Variants in SIPA1L1 observed in about 807,000 individuals in gnomAD.
SIPA1L1 encodes signal-induced proliferation-associated 1-like protein 1.
A neutral mutation model predicts 162.7 loss-of-function variants in SIPA1L1; 26 were observed. That is an observed-to-expected ratio of 0.16 (90% CI 0.12 to 0.22). SIPA1L1 has a LOEUF of 0.22. Among genes scored for constraint, SIPA1L1 ranks in the 10% least tolerant of loss-of-function variants. The probability of loss-of-function intolerance (pLI) is 1.00; values close to 1 mark genes in which losing one functional copy is unlikely to be tolerated. For missense variants in SIPA1L1, 1,874 were observed against 2,241.0 expected (o/e 0.84, Z 3.31); for synonymous variants, 829 against 837.4 (o/e 0.99, Z 0.17).
Position 71,589,186 on chromosome 14 carries a change from C to G in SIPA1L1, c.1314C>G (p.Ser438=), listed in dbSNP as rs771661799. The G allele has an allele frequency of 6.2e-7, 1 of 1,614,082 alleles. No individual in the cohort carries two copies. Among genetic ancestry groups the G allele is most frequent in the Non-Finnish European group, 8.5e-7 (1 of 1,179,954 alleles). Residue 438 remains serine (S), a synonymous_variant, in exon 5 of 24, where the codon TCC becomes TCG. Transcript: ENST00000381232. The part of the protein sequence containing the change: ...KISLSKSNSG[S]FSGCESASFE... ...GCCTTTCAAAATCAAATTCTGGCTC[C>G]TTTAGTGGATGTGAAAGTGCCTCCT... is the stretch of plus-strand genomic sequence containing the variant.
chr14:71,531,661 C>T (rs2053460898), intron 4 of SIPA1L1, among the ~76,000 whole-genome samples: 1 of 152,000 alleles, frequency 6.6e-6, no homozygotes, highest in Non-Finnish European at 1.5e-5. Flanking sequence ...ACCTCCCAGG[C>T]TCAAGTGATC....
chr14:71,565,225 C>G (rs1474448181), intron 4 of SIPA1L1, among the ~76,000 whole-genome samples: 4 of 152,156 alleles, frequency 2.6e-5, no homozygotes, highest in Non-Finnish European at 5.9e-5. Flanking sequence ...TTCTGTTGAT[C>G]AATTTTTGTC....
At chr14:71,513,792 C>T (rs2051416342) in intron 3 of SIPA1L1, among the ~76,000 whole-genome samples, 1 of 152,116 alleles carries the variant, frequency 6.6e-6, no homozygotes, top group Non-Finnish European at 1.5e-5. Context: ...ACTGGCCTGA[C>T]TGATTTCAAG....
At position 71,661,392 on chromosome 14, in the gene SIPA1L1, A is replaced by C; in HGVS notation, c.2180A>C (p.Asn727Thr). The change falls in exon 10 of 24, where the codon AAC becomes ACC. Residue 727 changes from asparagine (N) to threonine (T), a missense_variant. Physicochemically the swap from Asn to Thr is moderately conservative, Grantham distance 65. This residue lies in a region of SIPA1L1 where 243 missense variants were observed against 315.0 expected (regional missense o/e 0.77). Transcript: ENST00000381232. ...GGAGCACAGCCATTCAGCCCAAAAA[A>C]CATCCGATCCCACTTCCAGCACGTT... ...EPGAQPFSPK[N>T]IRSHFQHVFV... is the part of the protein sequence containing the mutation. 6.2e-7 allele frequency: 1 copy of C among 1,614,000 alleles called. No homozygotes were observed. The highest frequency in any genetic ancestry group is 2.2e-5 in the East Asian group (1 of 44,872).
intron 10 of SIPA1L1, among the ~76,000 whole-genome samples, chr14:71,667,151 C>T (rs1734072306): frequency 6.6e-6 from 1 of 152,178 alleles, no homozygotes; most frequent in Non-Finnish European, 1.5e-5. Context: ...TACCAGTCTG[C>T]ACCCCATGCC....
chr14:71,675,357 G>C (rs1345713427), intron 12 of SIPA1L1, among the ~76,000 whole-genome samples: 1 of 120,598 alleles, frequency 8.3e-6, no homozygotes. Context: ...TTTCACTACA[G>C]TTTCCATCTG....
chr14:71,570,477 C>G (rs891544774), intron 4 of SIPA1L1, among the ~76,000 whole-genome samples: 2 of 152,042 alleles, frequency 1.3e-5, no homozygotes, highest in Non-Finnish European at 2.9e-5. Flanking sequence ...GTTGCCTAGG[C>G]TGGTCTTGAA....
At chr14:71,642,629 A>G (rs1006301639) in intron 7 of SIPA1L1, among the ~76,000 whole-genome samples, 9 of 152,212 alleles carry the variant, frequency 5.9e-5, no homozygotes, top group Admixed American at 4.6e-4. Context: ...GAATACAACA[A>G]TATCCAGCAC....
intron 2 of SIPA1L1, among the ~76,000 whole-genome samples, chr14:71,411,871 C>T (rs982849147): frequency 1.3e-5 from 2 of 152,186 alleles, no homozygotes; most frequent in Non-Finnish European, 2.9e-5. Context: ...GCCCATTTGC[C>T]ACATATGGAA....
At chr14:71,388,999 C>T (rs965339795) in intron 2 of SIPA1L1, among the ~76,000 whole-genome samples, 7 of 152,106 alleles carry the variant, frequency 4.6e-5, no homozygotes, top group Non-Finnish European at 8.8e-5. Flanking sequence ...AGGCTGGTCT[C>T]GAACTCCTAG....
intron 5 of SIPA1L1, among the ~76,000 whole-genome samples, chr14:71,589,933 C>T (rs913339429): frequency 4.0e-5 from 6 of 149,190 alleles, no homozygotes; most frequent in Non-Finnish European, 5.9e-5. Context: ...AATCAAATCT[C>T]GGTCTTTGAG....
intron 7 of SIPA1L1, among the ~76,000 whole-genome samples, chr14:71,649,791 A>C (rs769719654): frequency 8.5e-5 from 13 of 152,174 alleles, no homozygotes; most frequent in Non-Finnish European, 1.9e-4. Flanking sequence ...TGTAACAAAG[A>C]TATAGGCAAG....
At chr14:71,516,603 G>A (rs143590041) in intron 3 of SIPA1L1, among the ~76,000 whole-genome samples, 69 of 152,190 alleles carry the variant, frequency 4.5e-4, no homozygotes, top group African/African-American at 1.6e-3. Context: ...CCCAGGCTGG[G>A]CTCAAGCAGT....
intron 3 of SIPA1L1, among the ~76,000 whole-genome samples, chr14:71,521,727 A>G (rs978471146): frequency 9.2e-5 from 14 of 152,192 alleles, no homozygotes; most frequent in African/African-American, 2.9e-4. Flanking sequence ...TTCAACTTTA[A>G]TAGATGCTGC....
chr14:71,396,798 T>C (rs1279902136), intron 2 of SIPA1L1, among the ~76,000 whole-genome samples: 3 of 152,218 alleles, frequency 2.0e-5, no homozygotes, highest in Non-Finnish European at 4.4e-5. Context: ...AAAAATGCCA[T>C]GTAATGAGTT....
intron 7 of SIPA1L1, among the ~76,000 whole-genome samples, chr14:71,634,129 G>C (rs111395872): frequency 6.6e-6 from 1 of 151,682 alleles, no homozygotes. Context: ...GGCTGGGCAC[G>C]GTGGCTCATG....
chr14:71,467,151 G>A (rs926098902), intron 2 of SIPA1L1: 2 of 152,068 alleles, frequency 1.3e-5, no homozygotes, highest in East Asian at 1.9e-4. Context: ...AATTACTGTC[G>A]CTGGGGAGTT....
At chr14:71,728,103 C>T (rs1383793779) in intron 19 of SIPA1L1, among the ~76,000 whole-genome samples, 1 of 152,178 alleles carries the variant, frequency 6.6e-6, no homozygotes, top group East Asian at 1.9e-4. Context: ...AAGGAAATCC[C>T]TTTACTAAAA....
At chr14:71,502,788 A>T (rs1405001856) in intron 2 of SIPA1L1, among the ~76,000 whole-genome samples, 5 of 152,152 alleles carry the variant, frequency 3.3e-5, no homozygotes, top group Non-Finnish European at 7.4e-5. Context: ...AGACTCCTCT[A>T]ACACCGTGTT....
Sources: allele counts gnomAD v4.1 joint callset (sites outside exome capture counted in the v4.1 genomes callset), GRCh38; gene constraint gnomAD v4.1.1; regional missense constraint gnomAD v4.1.1; transcripts MANE v1.5; gene names NCBI Gene and HGNC (gene_info 2026-07-23, HGNC 2026-07-21).